Variants in NAT10 observed in about 807,000 individuals in gnomAD.
The protein encoded by NAT10 is RNA cytidine acetyltransferase.
NAT10 carries 109 observed loss-of-function variants against 132.2 expected under a neutral mutation model. The observed-to-expected ratio is 0.82, with a 90% confidence interval of 0.71 to 0.97. The LOEUF is 0.97. NAT10 is among the 50% of genes least tolerant of loss of function. The pLI is 0.00. For synonymous variants in NAT10, 479 were observed against 478.0 expected (o/e 1.00, Z -0.03); for missense variants, 1,184 against 1,263.4 (o/e 0.94, Z 0.95).
Position 34,142,354 on chromosome 11 carries a change from G to A in NAT10, c.2885+6G>A, listed in dbSNP as rs55971979. The A allele has an allele frequency of 1.2e-6, 2 of 1,613,668 alleles. No homozygotes were observed. Among genetic ancestry groups the A allele is most frequent in the Non-Finnish European group, 1.7e-6 (2 of 1,179,740 alleles). On this transcript the variant is annotated splice_donor_region_variant and intron_variant, in intron 27 of 28. Transcript: ENST00000257829. ...AAGAGCATGGACCTCTCTGAGTAAGGCTTGTGGGAAGCAGAGGGTTTGCCT... is the reference window on the plus strand; with the variant it reads ...AAGAGCATGGACCTCTCTGAGTAAGACTTGTGGGAAGCAGAGGGTTTGCCT...
intron 6 of NAT10, among the ~76,000 whole-genome samples, chr11:34,116,512 A>G (rs921250076): frequency 6.6e-6 from 1 of 151,476 alleles, no homozygotes; most frequent in African/African-American, 2.4e-5. Context: ...TTTGCCTCCC[A>G]GGTCGAGTGA....
chr11:34,145,136 C>T (rs1305174931), intron 28 of NAT10, among the ~76,000 whole-genome samples: 3 of 152,180 alleles, frequency 2.0e-5, no homozygotes, highest in Non-Finnish European at 2.9e-5. Context: ...AACAAAAGGC[C>T]GGGGAGCATG....
In NAT10 at chr11:34,139,391, G is replaced by A. The variant is rs371425797; in HGVS notation, c.2315G>A (p.Arg772Gln). 33 of 1,613,988 alleles carry A rather than the reference G, an allele frequency of 2.0e-5. No individual in the cohort carries two copies. The highest frequency in any genetic ancestry group is 1.8e-4 in the East Asian group (8 of 44,888). ...GCGTGATGGCACCCCACAGATTTCCGACGGCGGTTCCTAGCCTTGCTCTCC... is the reference window on the plus strand; with the variant it reads ...GCGTGATGGCACCCCACAGATTTCCAACGGCGGTTCCTAGCCTTGCTCTCC... ...GWLAAFWKDF[R>Q]RRFLALLSYQ... Residue 772 changes from arginine to glutamine, a missense_variant, in exon 23 of 29, where the codon CGA becomes CAA. Arg to Gln is a conservative substitution (Grantham distance 43, BLOSUM62 1). Transcript: ENST00000257829.
Position 34,141,110 on chromosome 11 carries a change from C to T in NAT10, c.2614C>T (p.Leu872=), listed in dbSNP as rs1352621492. 1.2e-6 allele frequency: 2 copies of T among 1,613,978 alleles called. No homozygotes were observed. Among genetic ancestry groups the T allele is most frequent in the South Asian group, 2.2e-5 (2 of 91,060 alleles). The change falls in exon 25 of 29, where the codon CTG becomes TTG. Residue 872 remains leucine (L), a synonymous_variant. Coordinates refer to ENST00000257829, the MANE Select transcript of NAT10 (RefSeq NM_024662.3). ...TTAGGCTCTTCTCTTGGGGATTGGCCTGCAGCATAAGTCTGTGGACCAGCT... is the reference window on the plus strand; with the variant it reads ...TTAGGCTCTTCTCTTGGGGATTGGCTTGCAGCATAAGTCTGTGGACCAGCT... ...AQSALLLGIG[L]QHKSVDQLEK...
intron 18 of NAT10, 147 bp from the exon 19 acceptor site, chr11:34,135,028 C>T: frequency 1.5e-6 from 1 of 682,642 alleles, no homozygotes; most frequent in South Asian, 1.7e-5. Flanking sequence ...CTGCTTTGAC[C>T]TCACTCAGGG....
rs1201677959 is a variant in NAT10, at chr11:34,141,205, G to A, written c.2709G>A (p.Val903=). The A allele has an allele frequency of 6.2e-7, 1 of 1,613,878 alleles. No individual in the cohort carries two copies. The highest frequency in any genetic ancestry group is 2.2e-5 in the East Asian group (1 of 44,890). ...TCAACCGGATCATCCGCAAAGTTGT[G>A]AAGGTAACCTCAGCCTGAGGGCAGG... The part of the protein sequence containing the change: ...GLFNRIIRKV[V]KLFNEVQEKA... Residue 903 remains valine (V), a synonymous_variant, in exon 25 of 29, where the codon GTG becomes GTA. Coordinates refer to ENST00000257829, the MANE Select transcript of NAT10 (RefSeq NM_024662.3).
chr11:34,127,540 C>G lies in NAT10; in HGVS notation c.1185C>G (p.Leu395=). ...VVIDEAAAIP[L]PLVKSLLGPY... is the part of the protein sequence containing the mutation. ...TTGATGAAGCTGCCGCCATCCCCCT[C>G]CCCTTGGTGAAGAGCCTACTTGGCC... The change falls in exon 12 of 29, where the codon CTC becomes CTG. Residue 395 remains leucine (L), a synonymous_variant. Transcript: ENST00000257829. 1 of 1,614,164 alleles carries G rather than the reference C, an allele frequency of 6.2e-7. No homozygotes were observed. The highest frequency in any genetic ancestry group is 8.5e-7 in the Non-Finnish European group (1 of 1,180,000).
chr11:34,128,362 C>CAAAAAAAA (rs914837839), intron 12 of NAT10, among the ~76,000 whole-genome samples: 1 of 67,234 alleles, frequency 1.5e-5, no homozygotes, highest in African/African-American at 5.1e-5. Flanking sequence ...AAAAACAAAA[C>CAAAAAAAA]AAAAAAAAAA....
chr11:34,109,869 G>A (rs1851663616), intron 3 of NAT10, among the ~76,000 whole-genome samples: 1 of 152,112 alleles, frequency 6.6e-6, no homozygotes, highest in South Asian at 2.1e-4. Flanking sequence ...TGTCCCCCTA[G>A]CAGAAACAAC....
At chr11:34,128,104 C>T (rs1852031952) in intron 12 of NAT10, among the ~76,000 whole-genome samples, 1 of 151,704 alleles carries the variant, frequency 6.6e-6, no homozygotes, top group Admixed American at 6.6e-5. Flanking sequence ...ACCTGTAATC[C>T]CAGCACATTG....
chr11:34,119,404 T>C (rs3751124), intron 8 of NAT10, among the ~76,000 whole-genome samples: 2,216 of 152,332 alleles, frequency 0.015, 134 homozygotes, highest in Admixed American at 0.1. Context: ...TCCCTTTTCA[T>C]TCTGGAAATA....
rs188225618 is a variant in NAT10, at chr11:34,136,948, C to A, written c.2163-30C>A. ...TCAGCCACTCCCCAGAGGCCACACA[C>A]AGTGACCTACTGTCTTTGTATCTTT... On this transcript the variant is annotated intron_variant, in intron 20 of 28. Transcript: ENST00000257829. 155 of 1,613,894 alleles carry A rather than the reference C, an allele frequency of 9.6e-5. No homozygotes were observed. In the African/African-American group the frequency reaches 1.8e-3, roughly 19 times the overall value.
chr11:34,129,412 C>T (rs770331124), intron 12 of NAT10, among the ~76,000 whole-genome samples: 20 of 152,174 alleles, frequency 1.3e-4, no homozygotes, highest in African/African-American at 4.8e-4. Flanking sequence ...TGCGTATTGG[C>T]CACTCACGTA....
chr11:34,108,443 G>T (rs974055454), intron 2 of NAT10, 110 bp downstream of exon 2: 47 of 878,850 alleles, frequency 5.3e-5, no homozygotes, highest in Non-Finnish European at 8.1e-5. Flanking sequence ...CTCTTTGGCT[G>T]GTAAGATGCC....
rs1305180802 is a variant in NAT10, at chr11:34,134,349, T to C, written c.1765T>C (p.Ser589Pro). The C allele has an allele frequency of 4.3e-6, 7 of 1,614,240 alleles. No homozygotes were observed. Among genetic ancestry groups the C allele is most frequent in the Non-Finnish European group, 5.9e-6 (7 of 1,180,046 alleles). ...CCTTGAAGGGGAGATTTCTCGCCAG[T>C]CCATCTTGAACAGTCTGTCTCGAGG... ...VCLEGEISRQ[S>P]ILNSLSRGKK... Residue 589 changes from serine (S) to proline (P), a missense_variant, in exon 17 of 29, where the codon TCC becomes CCC. Physicochemically the swap from Ser to Pro is moderately conservative, Grantham distance 74. Coordinates refer to ENST00000257829, the MANE Select transcript of NAT10 (RefSeq NM_024662.3).
At chr11:34,110,915 C>A (rs2982588) in intron 3 of NAT10, among the ~76,000 whole-genome samples, 151,083 of 152,300 alleles carry the variant, frequency 0.99, 74,950 homozygotes, top group East Asian at 1. Context: ...CTAGGTGTAT[C>A]TTACAGGGAT....
intron 23 of NAT10, 45 bp from the exon 24 acceptor site, chr11:34,140,355 G>T: frequency 6.3e-7 from 1 of 1,577,958 alleles, no homozygotes. Flanking sequence ...ATCTCATGAG[G>T]GCGCCGGGTG....
chr11:34,139,346 G>T (rs776460401), intron 22 of NAT10, 39 bp from the exon 23 acceptor site: 1 of 1,611,808 alleles, frequency 6.2e-7, no homozygotes, highest in Admixed American at 1.7e-5. Flanking sequence ...TGCCGGGGAT[G>T]CCTCCAGACC....
chr11:34,122,470 C>G lies in NAT10; in HGVS notation c.792C>G (p.Val264=), dbSNP rs1373373257. 3.7e-6 allele frequency: 6 copies of G among 1,614,186 alleles called. No individual in the cohort carries two copies. The highest frequency in any genetic ancestry group is 5.1e-6 in the Non-Finnish European group (6 of 1,180,026). Reference sequence around the variant, plus strand: ...TTCTGTTTCCACAGGCCAAAGCTGTCTTGAAATTTATCGAGGGCATCTCTG... The same window carrying G: ...TTCTGTTTCCACAGGCCAAAGCTGTGTTGAAATTTATCGAGGGCATCTCTG... ...CCKTLDQAKA[V]LKFIEGISEK... is the part of the protein sequence containing the mutation. The change falls in exon 9 of 29, where the codon GTC becomes GTG. Residue 264 remains valine, a synonymous_variant. Coordinates refer to ENST00000257829, the MANE Select transcript of NAT10 (RefSeq NM_024662.3).
Sources: allele counts gnomAD v4.1 joint callset (sites outside exome capture counted in the v4.1 genomes callset), GRCh38; gene constraint gnomAD v4.1.1; transcripts MANE v1.5; gene names NCBI Gene and HGNC (gene_info 2026-07-23, HGNC 2026-07-21).